The following COMMD1 variants were observed in gnomAD, a reference collection of about 807,000 sequenced individuals.
The protein encoded by COMMD1 is COMM domain-containing protein 1.
COMMD1 carries 10 observed loss-of-function variants against 17.2 expected under a neutral mutation model. The observed-to-expected ratio is 0.58, with a 90% CI of 0.36 to 0.99. The LOEUF (loss-of-function observed/expected upper bound fraction) is 0.99, where lower values mean the gene tolerates loss of function less well. Ranked by LOEUF, COMMD1 falls within the 50% of genes least tolerant of loss-of-function variation. COMMD1 has a pLI of 0.01. For missense variants in COMMD1, 270 were observed against 231.8 expected (o/e 1.17, Z -1.07); for synonymous variants, 97 against 91.6 (o/e 1.06, Z -0.34).
At chr2:62,046,201 G>C (rs1453074281) in intron 2 of COMMD1, among the ~76,000 whole-genome samples, 2 of 152,216 alleles carry the variant, frequency 1.3e-5, no homozygotes, top group Admixed American at 1.3e-4. Flanking sequence ...AGTTTTTACA[G>C]ATAAAGAAAT....
At chr2:61,926,304 G>A (rs574165721) in intron 1 of COMMD1, among the ~76,000 whole-genome samples, 2 of 152,220 alleles carry the variant, frequency 1.3e-5, no homozygotes, top group African/African-American at 4.8e-5. Flanking sequence ...ATATTAATTT[G>A]CGTAAATAGT....
At chr2:62,097,245 TG>T (rs1159957350) in intron 2 of COMMD1, among the ~76,000 whole-genome samples, 1 of 152,212 alleles carries the variant, frequency 6.6e-6, no homozygotes, top group African/African-American at 2.4e-5. Context: ...TTCCAAGGGC[TG>T]GTGCAGGGTA....
intron 1 of COMMD1, among the ~76,000 whole-genome samples, chr2:61,909,274 G>A (rs1669846334): frequency 6.6e-6 from 1 of 152,144 alleles, no homozygotes; most frequent in African/African-American, 2.4e-5. Context: ...ACCTCTATCT[G>A]CAGTAAGAGG....
intron 1 of COMMD1, among the ~76,000 whole-genome samples, chr2:61,896,583 A>G (rs1669553209): frequency 6.6e-6 from 1 of 152,140 alleles, no homozygotes; most frequent in South Asian, 2.1e-4. Flanking sequence ...TCAGAAAAAA[A>G]CAAAACCCCA....
chr2:62,059,762 A>G (rs1030698975), intron 2 of COMMD1, among the ~76,000 whole-genome samples: 1 of 152,082 alleles, frequency 6.6e-6, no homozygotes, highest in Admixed American at 6.6e-5. Context: ...TCTTTTTCCA[A>G]CTAGTTTCCA....
chr2:61,974,152 G>C (rs1164397927), intron 1 of COMMD1, among the ~76,000 whole-genome samples: 2 of 152,130 alleles, frequency 1.3e-5, no homozygotes, highest in Non-Finnish European at 2.9e-5. Context: ...AAATTAACCT[G>C]GTGTGGTGGC....
intron 1 of COMMD1, among the ~76,000 whole-genome samples, chr2:61,913,853 C>G (rs1180909176): frequency 7.0e-6 from 1 of 142,700 alleles, no homozygotes; most frequent in African/African-American, 2.6e-5. Flanking sequence ...AACATCTGTT[C>G]TCAAACTCAT....
chr2:61,932,738 C>T (rs1451629462), intron 1 of COMMD1, among the ~76,000 whole-genome samples: 1 of 152,142 alleles, frequency 6.6e-6, no homozygotes, highest in Non-Finnish European at 1.5e-5. Context: ...GTGCCCAAAC[C>T]CCTTGCATGA....
At chr2:62,098,594 A>G (rs1406568839) in intron 2 of COMMD1, among the ~76,000 whole-genome samples, 3 of 152,194 alleles carry the variant, frequency 2.0e-5, no homozygotes, top group Non-Finnish European at 1.5e-5. Context: ...ACTTTCCCCA[A>G]GGGTATTCCT....
chr2:62,128,021 CAA>C lies in COMMD1; in HGVS notation c.463-7793_463-7792del, dbSNP rs56019037. On this transcript the variant is annotated intron_variant, in intron 2 of 2. Transcript: ENST00000311832. ...TGGGAGACAGAGCGAGACTCTATCT[CAA>C]AAAAAAAAAAAAAAAAGGATGAGGT... 6.4e-3 allele frequency among the ~76,000 whole-genome samples: 665 copies of C among 103,186 alleles called. 4 individuals carry two copies. Among genetic ancestry groups the C allele is most frequent in the African/African-American group, 0.019 (559 of 28,912 alleles). The allele number at this position is 103,186 out of a possible 152,430, so 67.7% of individuals were successfully genotyped here. A position where few individuals can be genotyped will look rare whatever the true frequency, so the allele number is the denominator to read the frequency against.
intron 2 of COMMD1, among the ~76,000 whole-genome samples, chr2:62,015,687 G>A (rs1363750298): frequency 1.6e-5 from 2 of 128,796 alleles, no homozygotes; most frequent in Non-Finnish European, 1.6e-5. Flanking sequence ...ACACTTGTTA[G>A]TTTCTGGGTT....
At chr2:61,984,123 C>T (rs533226683) in intron 1 of COMMD1, among the ~76,000 whole-genome samples, 2 of 152,288 alleles carry the variant, frequency 1.3e-5, no homozygotes, top group East Asian at 3.9e-4. Flanking sequence ...CTCCCAGGTT[C>T]AAGCGATTCT....
At chr2:61,960,751 G>C (rs1043725887) in intron 1 of COMMD1, among the ~76,000 whole-genome samples, 4 of 152,018 alleles carry the variant, frequency 2.6e-5, no homozygotes, top group Non-Finnish European at 5.9e-5. Flanking sequence ...TTTCCCCCTC[G>C]GGAGGTAACC....
At chr2:61,914,566 T>C (rs1401535085) in intron 1 of COMMD1, among the ~76,000 whole-genome samples, 1 of 152,024 alleles carries the variant, frequency 6.6e-6, no homozygotes, top group Non-Finnish European at 1.5e-5. Context: ...GACGGGACTC[T>C]GTCTCAAAAC....
chr2:61,929,377 A>G (rs1316713518), intron 1 of COMMD1, among the ~76,000 whole-genome samples: 3 of 152,144 alleles, frequency 2.0e-5, no homozygotes, highest in Non-Finnish European at 4.4e-5. Context: ...GCTATCTGCA[A>G]CTTTCACAGA....
At chr2:62,044,960 C>G (rs536192793) in intron 2 of COMMD1, among the ~76,000 whole-genome samples, 6 of 152,194 alleles carry the variant, frequency 3.9e-5, no homozygotes, top group Non-Finnish European at 8.8e-5. Context: ...TGTAATTGCC[C>G]GATGGGTTCT....
chr2:62,098,158 CTTTCT>C (rs1672065244), intron 2 of COMMD1, among the ~76,000 whole-genome samples: 1 of 139,960 alleles, frequency 7.1e-6, no homozygotes, highest in African/African-American at 2.7e-5. Flanking sequence ...CCTTTCCTTT[CTTTCT>C]TTTTTTTTTT....
intron 2 of COMMD1, among the ~76,000 whole-genome samples, chr2:62,116,528 C>T (rs1198581833): frequency 5.3e-5 from 8 of 151,636 alleles, no homozygotes; most frequent in Non-Finnish European, 8.8e-5. Context: ...CCGAATTAGT[C>T]GGGCGTGGAG....
At chr2:61,939,059 C>T (rs1670670901) in intron 1 of COMMD1, among the ~76,000 whole-genome samples, 1 of 152,082 alleles carries the variant, frequency 6.6e-6, no homozygotes, top group African/African-American at 2.4e-5. Context: ...TCTAGACTTC[C>T]TTTTCTATTA....
Sources: allele counts gnomAD v4.1 joint callset (sites outside exome capture counted in the v4.1 genomes callset), GRCh38; gene constraint gnomAD v4.1.1; transcripts MANE v1.5; gene names NCBI Gene and HGNC (gene_info 2026-07-23, HGNC 2026-07-21).